QRICH2: variants seen among roughly 807,000 people sequenced by gnomAD.
The protein encoded by QRICH2 is glutamine-rich protein 2.
In QRICH2, 119 loss-of-function variants were observed where a neutral mutation model predicts 168.3. The observed-to-expected ratio is 0.71, with a 90% CI of 0.61 to 0.82. The LOEUF (loss-of-function observed/expected upper bound fraction) is 0.82, where lower values mean the gene tolerates loss of function less well. Among genes scored for constraint, QRICH2 ranks in the 40% least tolerant of loss-of-function variants. QRICH2 has a pLI of 0.00. For missense variants in QRICH2, 2,241 were observed against 2,491.6 expected (o/e 0.90, Z 2.14); for synonymous variants, 894 against 951.2 (o/e 0.94, Z 1.11).
chr17:76,310,283 C>T (rs1374553271), upstream of QRICH2: 1 of 147,708 alleles, frequency 6.8e-6, no homozygotes, highest in South Asian at 2.1e-4. Context: ...AGGCGTGAGC[C>T]ATGATGCCTG....
Position 76,280,786 on chromosome 17 carries a change from C to T in QRICH2, c.4386+45G>A. The T allele has an allele frequency of 6.2e-7, 1 of 1,613,964 alleles. No individual in the cohort carries two copies. ...GCCAGCAGCTGCGGGGCTAGGGCAC[C>T]ACATTGAGCCCCGGCCCCATCCCAG... is the stretch of plus-strand genomic sequence containing the variant. On this transcript the variant is annotated intron_variant, in intron 9 of 18. Coordinates refer to ENST00000680821, the MANE Select transcript of QRICH2 (RefSeq NM_001388453.1). This position sits in a 1 kb window ranked among gnomAD's most constrained non-coding sequence, Gnocchi z 7.4.
At chr17:76,306,093 C>A (rs1480307836) in intron 1 of QRICH2, among the ~76,000 whole-genome samples, 1 of 145,694 alleles carries the variant, frequency 6.9e-6, no homozygotes, top group Admixed American at 7.3e-5. Context: ...TTCCTTGAAC[C>A]CAGGAGATGG....
Position 76,293,038 on chromosome 17 carries a change from A to T in QRICH2, c.1689T>A (p.Pro563=). The T allele has an allele frequency of 6.2e-7, 1 of 1,614,258 alleles. No homozygotes were observed. The highest frequency in any genetic ancestry group is 8.5e-7 in the Non-Finnish European group (1 of 1,180,048). Residue 563 remains proline (P), a synonymous_variant, in exon 4 of 19, where the codon CCT becomes CCA. Transcript: ENST00000680821. ...GGATCAAATCATGCTGCTCTGTGCC[A>T]GGTTGTATGAAGCCAGTTGCTTCCA... The part of the protein sequence containing the change: ...PSLEATGFIQ[P]GTEQHDLIQS...
intron 1 of QRICH2, among the ~76,000 whole-genome samples, chr17:76,305,805 T>G (rs966966020): frequency 1.1e-4 from 16 of 152,218 alleles, no homozygotes; most frequent in African/African-American, 3.9e-4. Context: ...AAAAATATAT[T>G]AATAAACAAA....
chr17:76,280,407 CTG>C lies in QRICH2; in HGVS notation c.4504_4505del (p.Gln1502ValfsTer2), dbSNP rs2070765480. 3 of 1,614,156 alleles carry C rather than the reference CTG, an allele frequency of 1.9e-6. No individual in the cohort carries two copies. Among genetic ancestry groups the C allele is most frequent in the African/African-American group, 1.3e-5 (1 of 75,052 alleles). On this transcript the variant is annotated frameshift_variant, in exon 11 of 19. Transcript: ENST00000680821. LOFTEE classifies it high-confidence loss of function. The surrounding 1 kb of genome is among the most constrained non-coding windows in gnomAD (Gnocchi z 7.4). ...SALATKVSRV[Q>X]FDATTEQLNH... The stretch of plus-strand genomic sequence containing the variant: ...TCAGCTGCTCCGTGGTGGCATCAAA[CTG>C]GACACGGCTCACTTTGGTGGCCAGA...
chr17:76,276,007 C>A lies in QRICH2; in HGVS notation c.5354-60G>T, dbSNP rs1034649461. 5.8e-5 allele frequency: 91 copies of A among 1,580,278 alleles called. No individual in the cohort carries two copies. The African/African-American group carries it at 8.5e-4, about 15-fold the overall frequency. On this transcript the variant is annotated intron_variant, in intron 17 of 18. Transcript: ENST00000680821. ...GGCAGCGGTGAGAGCTCTGTGGGAA[C>A]CCCTGGGGGTGGGGAGAGGGCCGCA...
At chr17:76,308,429 T>A, upstream of QRICH2, 4 of 985,266 alleles carry the variant, frequency 4.1e-6, no homozygotes, top group Non-Finnish European at 4.8e-6. Context: ...CCAGCTAGAC[T>A]CCATCCATCC....
Position 76,293,921 on chromosome 17 carries a change from A to C in QRICH2, c.806T>G (p.Ile269Ser). 1 of 1,614,184 alleles carries C rather than the reference A, an allele frequency of 6.2e-7. No homozygotes were observed. Among genetic ancestry groups the C allele is most frequent in the Non-Finnish European group, 8.5e-7 (1 of 1,180,036 alleles). The change falls in exon 4 of 19, where the codon ATT (isoleucine) becomes AGT (serine). Residue 269 changes from isoleucine (I) to serine (S), a missense_variant. By Grantham distance (142) the Ile-to-Ser change is moderately radical. This residue lies in a region of QRICH2 where 2,047 missense variants were observed against 2,303.8 expected (regional missense o/e 0.89). Transcript: ENST00000680821. ...LSGDSTKQPS[I>S]EQALDSASGL... ...ACTGGCAGAATCCAGAGCCTGCTCA[A>C]TACTTGGTTGCTTGGTAGAGTCTCC...
At position 76,294,584 on chromosome 17, in the gene QRICH2, G is replaced by A. The variant is rs902457259; in HGVS notation, c.706-563C>T. ...TCCCAGCACTTTGGGAGGCCAAGGC[G>A]GGTGGATCATTTGAGGTCAGGACTT... On this transcript the variant is annotated intron_variant, in intron 3 of 18. Transcript: ENST00000680821. Among the ~76,000 whole-genome samples the A allele has an allele frequency of 7.9e-5, 12 of 152,222 alleles. No homozygotes were observed. The East Asian group carries it at 1.2e-3, about 15-fold the overall frequency.
chr17:76,274,347 G>T, intron 18 of QRICH2, 87 bp from the exon 19 acceptor site: 1 of 1,398,262 alleles, frequency 7.2e-7, no homozygotes, highest in Non-Finnish European at 9.7e-7. Flanking sequence ...CAGGGAGGTT[G>T]AGAGCAGTTC....
At chr17:76,279,536 A>C in intron 12 of QRICH2, 108 bp from the exon 13 acceptor site, 1 of 793,370 alleles carries the variant, frequency 1.3e-6, no homozygotes, top group Non-Finnish European at 2.1e-6. Flanking sequence ...GGTGCAGATC[A>C]TGTCCCTGCT....
rs532910099 is a variant in QRICH2, at chr17:76,298,883, T to C, written c.706-4862A>G. Among the ~76,000 whole-genome samples, 460 of 152,296 alleles carry C rather than the reference T, an allele frequency of 3.0e-3. 7 individuals carry two copies. The highest frequency in any genetic ancestry group is 1.3e-3 in the Non-Finnish European group (90 of 68,036). On this transcript the variant is annotated intron_variant, in intron 3 of 18. Coordinates refer to ENST00000680821, the MANE Select transcript of QRICH2 (RefSeq NM_001388453.1). ...CGTCTGCCTCGGCTTCCCAAAGTGC[T>C]GGAATTATAGGTGTGAGCCACAGCG...
In QRICH2 at chr17:76,293,822, T is replaced by A; in HGVS notation, c.905A>T (p.Glu302Val). The change falls in exon 4 of 19, where the codon GAA becomes GTA. Residue 302 changes from glutamate (E) to valine (V), a missense_variant. By Grantham distance (121) the Glu-to-Val change is moderately radical. Around this residue, in one of 3 missense-constraint regions of QRICH2, gnomAD observed 2,047 missense variants for 2,303.8 expected, o/e 0.89. Coordinates refer to ENST00000680821, the MANE Select transcript of QRICH2 (RefSeq NM_001388453.1). The stretch of plus-strand genomic sequence containing the variant: ...AGTACCAGAGGGGACCTTGCTTTGT[T>A]CCCTACTGGAAACCCCATCAGAGGG... ...AHPSDGVSSR[E>V]QSKVPSGTGR... is the part of the protein sequence containing the mutation. 1 of 1,614,024 alleles carries A rather than the reference T, an allele frequency of 6.2e-7. No homozygotes were observed. Among genetic ancestry groups the A allele is most frequent in the Non-Finnish European group, 8.5e-7 (1 of 1,179,980 alleles).
At chr17:76,279,974 C>T (rs2070756031) in intron 12 of QRICH2, 59 bp downstream of exon 12, 1 of 1,540,684 alleles carries the variant, frequency 6.5e-7, no homozygotes, top group East Asian at 2.3e-5. Flanking sequence ...CCCCCAGCCC[C>T]CTCTGCCCTC....
intron 12 of QRICH2, 118 bp downstream of exon 12, chr17:76,279,915 G>A (rs186563104): frequency 2.3e-5 from 29 of 1,260,550 alleles, no homozygotes; most frequent in Admixed American, 1.9e-4. Context: ...CCATGGGACA[G>A]TCCTGGGCAG....
At chr17:76,288,761 C>T (rs1364133063) in intron 5 of QRICH2, among the ~76,000 whole-genome samples, 1 of 151,750 alleles carries the variant, frequency 6.6e-6, no homozygotes, top group East Asian at 1.9e-4. Flanking sequence ...TTGCAATGAC[C>T]TCTGGCCCCA....
chr17:76,293,432 AATTCCCGATC>A lies in QRICH2; in HGVS notation c.1285_1294del (p.Asp429Ter). ...TTGCTCATCCACGACAAATGGTATC[AATTCCCGATC>A]ATCCATTTCAGGTGGTGGCACACCA... On this transcript the variant is annotated frameshift_variant, in exon 4 of 19. Transcript: ENST00000680821. LOFTEE classifies it high-confidence loss of function. The A allele has an allele frequency of 1.9e-6, 3 of 1,614,208 alleles. No homozygotes were observed. Among genetic ancestry groups the A allele is most frequent in the Non-Finnish European group, 2.5e-6 (3 of 1,180,036 alleles).
At position 76,278,038 on chromosome 17, in the gene QRICH2, T is replaced by C. The variant is rs1265800694; in HGVS notation, c.5068A>G (p.Ile1690Val). 6 of 1,613,708 alleles carry C rather than the reference T, an allele frequency of 3.7e-6. No homozygotes were observed. Among genetic ancestry groups the C allele is most frequent in the African/African-American group, 2.7e-5 (2 of 74,946 alleles). Residue 1690 changes from isoleucine (I) to valine (V), a missense_variant, in exon 15 of 19, where the codon ATC becomes GTC. This residue lies in a region of QRICH2 where 2,047 missense variants were observed against 2,303.8 expected (regional missense o/e 0.89). Transcript: ENST00000680821. ...GGSTKASSQI[I>V]RELLHAQCLG... The stretch of plus-strand genomic sequence containing the variant: ...CACTGGGCGTGCAGCAGCTCGCGGA[T>C]TATCTGGCTGCTGGCCTTGGTGGAG...
rs2070742404 is a variant in QRICH2, at chr17:76,279,138, T to C, written c.4819A>G (p.Ile1607Val). 6.2e-7 allele frequency: 1 copy of C among 1,611,694 alleles called. No homozygotes were observed. Among genetic ancestry groups the C allele is most frequent in the Admixed American group, 1.7e-5 (1 of 59,914 alleles). ...CCTGGACCCGCGGGGGTCACGGGGA[T>C]GGCACTGGGCAGGGACAGAGGGAGA... The part of the protein sequence containing the change: ...PLETPVTGHA[I>V]PVTPAGPGLP... The change falls in exon 14 of 19, where the codon ATC (isoleucine) becomes GTC (valine). Residue 1607 changes from isoleucine (I) to valine (V), a missense_variant. Physicochemically the swap from Ile to Val is conservative, Grantham distance 29. Around this residue, in one of 3 missense-constraint regions of QRICH2, gnomAD observed 2,047 missense variants for 2,303.8 expected, o/e 0.89. Coordinates refer to ENST00000680821, the MANE Select transcript of QRICH2 (RefSeq NM_001388453.1).
Sources: allele counts gnomAD v4.1 joint callset (sites outside exome capture counted in the v4.1 genomes callset), GRCh38; gene constraint gnomAD v4.1.1; regional missense constraint gnomAD v4.1.1; non-coding constraint Gnocchi (gnomAD v3.1); transcripts MANE v1.5; gene names NCBI Gene and HGNC (gene_info 2026-07-23, HGNC 2026-07-21).